SYCP1: variants seen among roughly 807,000 people sequenced by gnomAD.
SYCP1 encodes the protein synaptonemal complex protein 1.
In SYCP1, 64 loss-of-function variants were observed where a neutral mutation model predicts 153.1. That is an observed-to-expected ratio of 0.42 (90% CI 0.34 to 0.51). The LOEUF (loss-of-function observed/expected upper bound fraction) is 0.51, where lower values mean the gene tolerates loss of function less well. Ranked by LOEUF, SYCP1 falls within the 20% of genes least tolerant of loss-of-function variation. The pLI is 0.06. For synonymous variants in SYCP1, 384 were observed against 341.8 expected (o/e 1.12, Z -1.36); for missense variants, 997 against 1,049.0 (o/e 0.95, Z 0.68).
At chr1:114,951,472 A>C (rs1671101052) in intron 27 of SYCP1, among the ~76,000 whole-genome samples, 1 of 152,232 alleles carries the variant, frequency 6.6e-6, no homozygotes, top group African/African-American at 2.4e-5. Flanking sequence ...ATTTCTTTAC[A>C]AAATATTTAA....
intron 23 of SYCP1, among the ~76,000 whole-genome samples, chr1:114,930,617 A>T (rs143738736): frequency 2.6e-5 from 4 of 151,934 alleles, no homozygotes; most frequent in African/African-American, 9.7e-5. Flanking sequence ...TTGTCATTAA[A>T]ATATCTCCTA....
In SYCP1 at chr1:114,931,698, A is replaced by AT. The variant is rs1388201884; in HGVS notation, c.1926+5141dup. ...CAGTCACCATGATAATTCCAGCAGT[A>AT]TTTTTTAGTAGACTTTTACATACTG... On this transcript the variant is annotated intron_variant, in intron 23 of 31. Transcript: ENST00000369522. Among the ~76,000 whole-genome samples the AT allele has an allele frequency of 2.6e-5, 4 of 152,270 alleles. 1 individual carries two copies. The highest frequency in any genetic ancestry group is 6.8e-3 in the Middle Eastern group (2 of 294).
chr1:114,878,063 A>T, intron 11 of SYCP1, 31 bp from the exon 12 acceptor site: 1 of 1,220,918 alleles, frequency 8.2e-7, no homozygotes, highest in East Asian at 2.5e-5. Context: ...TTAAATTTTC[A>T]TATTGATAAT....
chr1:114,962,709 T>C (rs1671858227), intron 27 of SYCP1, among the ~76,000 whole-genome samples: 1 of 152,202 alleles, frequency 6.6e-6, no homozygotes, highest in South Asian at 2.1e-4. Flanking sequence ...TTCATTGTGC[T>C]ATTTGTTGCC....
intron 16 of SYCP1, among the ~76,000 whole-genome samples, chr1:114,905,564 C>T (rs1308741528): frequency 6.6e-6 from 1 of 152,214 alleles, no homozygotes; most frequent in African/African-American, 2.4e-5. Flanking sequence ...CAGAAGCCAA[C>T]ATGGTAGATT....
intron 27 of SYCP1, among the ~76,000 whole-genome samples, chr1:114,951,009 A>G (rs1414754639): frequency 6.6e-6 from 1 of 152,012 alleles, no homozygotes. Flanking sequence ...TATTTTTAGT[A>G]GAGATGGGGT....
rs375122845 is a variant in SYCP1 at position 114,876,717 on chromosome 1, T to C, written c.728-20T>C. Reference sequence around the variant, plus strand: ...AAAATTATGTTATGACATTACAGTATATTTGTTTTATTTTTAAAGTAAAGG... The same window carrying C: ...AAAATTATGTTATGACATTACAGTACATTTGTTTTATTTTTAAAGTAAAGG... On this transcript the variant is annotated intron_variant, in intron 10 of 31. Transcript: ENST00000369522. The C allele has an allele frequency of 6.6e-6, 8 of 1,203,700 alleles. No individual in the cohort carries two copies. The highest frequency in any genetic ancestry group is 8.9e-6 in the Non-Finnish European group (8 of 902,666). 74.6% of individuals were successfully genotyped at this position (1,203,700 alleles called of 1,614,324 possible). A position where few individuals can be genotyped will look rare whatever the true frequency, so the allele number is the denominator to read the frequency against.
chr1:114,934,069 A>T (rs1181602339), intron 23 of SYCP1, among the ~76,000 whole-genome samples: 1 of 152,190 alleles, frequency 6.6e-6, no homozygotes, highest in African/African-American at 2.4e-5. Flanking sequence ...AACACCACAA[A>T]GATACTCCTC....
intron 8 of SYCP1, among the ~76,000 whole-genome samples, chr1:114,862,099 C>T (rs928824252): frequency 6.6e-6 from 1 of 152,018 alleles, no homozygotes; most frequent in African/African-American, 2.4e-5. Context: ...CTGCACCCGG[C>T]CAGGATTTTT....
At chr1:114,893,344 A>T (rs968421646) in intron 15 of SYCP1, among the ~76,000 whole-genome samples, 3 of 151,244 alleles carry the variant, frequency 2.0e-5, no homozygotes, top group Non-Finnish European at 4.4e-5. Flanking sequence ...CTTTATCTGT[A>T]TCTCCATCTG....
intron 26 of SYCP1, among the ~76,000 whole-genome samples, chr1:114,946,935 G>A (rs1203334792): frequency 1.3e-5 from 2 of 151,936 alleles, no homozygotes; most frequent in Non-Finnish European, 2.9e-5. Flanking sequence ...TAGTAGAGAC[G>A]GGGTTTCACC....
At chr1:114,980,602 G>A (rs1202571661) in intron 28 of SYCP1, among the ~76,000 whole-genome samples, 1 of 151,876 alleles carries the variant, frequency 6.6e-6, no homozygotes. Context: ...AAGTATCAAT[G>A]TATGAAAGAG....
At chr1:114,913,001 A>C (rs1366962394) in intron 18 of SYCP1, 32 bp from the exon 19 acceptor site, 1 of 1,455,592 alleles carries the variant, frequency 6.9e-7, no homozygotes, top group African/African-American at 1.4e-5. Context: ...ATTTGTAAAT[A>C]TTTTGGTATG....
At chr1:114,993,998 T>A (rs1674102240) in intron 30 of SYCP1, among the ~76,000 whole-genome samples, 1 of 151,478 alleles carries the variant, frequency 6.6e-6, no homozygotes, top group South Asian at 2.1e-4. Context: ...TGTGACCATT[T>A]TTTTTTTCAT....
intron 16 of SYCP1, among the ~76,000 whole-genome samples, chr1:114,903,011 C>T (rs1469373237): frequency 6.6e-6 from 1 of 152,002 alleles, no homozygotes; most frequent in Non-Finnish European, 1.5e-5. Context: ...AAAACCCTGT[C>T]TCTACTAAAA....
At chr1:114,954,729 C>T (rs561581709) in intron 27 of SYCP1, among the ~76,000 whole-genome samples, 324 of 152,112 alleles carry the variant, frequency 2.1e-3, no homozygotes, top group African/African-American at 7.4e-3. Flanking sequence ...TACAGGCACA[C>T]GCCGCCATGC....
Position 114,887,677 on chromosome 1 carries a change from G to T in SYCP1, c.1242G>T (p.Lys414Asn). 6.4e-7 allele frequency: 1 copy of T among 1,552,924 alleles called. No homozygotes were observed. ...AAATACTTACCATGGAGCTTCAAAAGAAATCAAGTGAGCTGGGTAAGACTT... is the reference window on the plus strand; with the variant it reads ...AAATACTTACCATGGAGCTTCAAAATAAATCAAGTGAGCTGGGTAAGACTT... ...QLKILTMELQKKSSELEEMTK... is the reference protein window; with the variant it reads ...QLKILTMELQNKSSELEEMTK... Residue 414 changes from lysine (K) to asparagine (N), a missense_variant, in exon 15 of 32, where the codon AAG (lysine) becomes AAT (asparagine). Physicochemically the swap from Lys to Asn is moderately conservative, Grantham distance 94. Transcript: ENST00000369522.
intron 16 of SYCP1, 174 bp from the exon 17 acceptor site, chr1:114,910,223 G>A (rs1668088138): frequency 2.3e-6 from 1 of 441,454 alleles, no homozygotes; most frequent in Non-Finnish European, 4.2e-6. Flanking sequence ...CTACTGAATT[G>A]TCTGTCATCA....
At chr1:114,874,664 T>G (rs900210900) in intron 9 of SYCP1, 100 bp downstream of exon 9, 2 of 678,134 alleles carry the variant, frequency 2.9e-6, no homozygotes, top group African/African-American at 3.6e-5. Context: ...ACTAAAAAGA[T>G]TATTATTTAT....
Sources: allele counts gnomAD v4.1 joint callset (sites outside exome capture counted in the v4.1 genomes callset), GRCh38; gene constraint gnomAD v4.1.1; transcripts MANE v1.5; gene names NCBI Gene and HGNC (gene_info 2026-07-23, HGNC 2026-07-21).